Variants in UNC5D observed in about 807,000 individuals in gnomAD.
UNC5D encodes the protein netrin receptor UNC5D.
UNC5D carries 39 observed loss-of-function variants against 105.4 expected under a neutral mutation model. The observed-to-expected ratio is 0.37, with a 90% confidence interval of 0.29 to 0.48. The LOEUF is 0.48. Among genes scored for constraint, UNC5D ranks in the 20% least tolerant of loss-of-function variants. The probability of loss-of-function intolerance (pLI) is 0.98; values close to 1 mark genes in which losing one functional copy is unlikely to be tolerated. For synonymous variants in UNC5D, 452 were observed against 450.4 expected (o/e 1.00, Z -0.04); for missense variants, 991 against 1,202.4 (o/e 0.82, Z 2.60).
intron 2 of UNC5D, among the ~76,000 whole-genome samples, chr8:35,564,197 G>A (rs2130766996): frequency 6.6e-6 from 1 of 152,014 alleles, no homozygotes; most frequent in East Asian, 1.9e-4. Flanking sequence ...CTACCCTATG[G>A]TCCATTCTGG....
Position 35,530,905 on chromosome 8 carries a change from T to A in UNC5D, c.104-18387T>A, listed in dbSNP as rs1030463663. Among the ~76,000 whole-genome samples the A allele has an allele frequency of 1.4e-3, 203 of 140,532 alleles. 6 individuals are homozygous for A. Among genetic ancestry groups the A allele is most frequent in the Admixed American group, 0.014 (196 of 14,110 alleles). 92.2% of individuals were successfully genotyped at this position (140,532 alleles called of 152,430 possible). A position where few individuals can be genotyped will look rare whatever the true frequency, so the allele number is the denominator to read the frequency against. On this transcript the variant is annotated intron_variant, in intron 1 of 16. Transcript: ENST00000404895. The stretch of plus-strand genomic sequence containing the variant: ...ATTGGTGGTGATATCCCCTTTATCA[T>A]TTTTTATTGTGTCTATTTGATTCTT...
At chr8:35,633,735 G>A (rs967984347) in intron 4 of UNC5D, among the ~76,000 whole-genome samples, 18 of 152,068 alleles carry the variant, frequency 1.2e-4, no homozygotes, top group African/African-American at 3.1e-4. Flanking sequence ...AGCTTAGATC[G>A]CAGATACAGC....
At chr8:35,727,571 A>C (rs886225961) in intron 10 of UNC5D, 1 of 152,172 alleles carries the variant, frequency 6.6e-6, no homozygotes, top group African/African-American at 2.4e-5. Flanking sequence ...TAGTTGATGA[A>C]TGTTGTCTTG....
chr8:35,402,031 G>A (rs1804500419), intron 1 of UNC5D, among the ~76,000 whole-genome samples: 1 of 152,132 alleles, frequency 6.6e-6, no homozygotes, highest in Non-Finnish European at 1.5e-5. Context: ...ATCATTCTGT[G>A]CATGATTGTT....
At chr8:35,761,750 C>G (rs144951970) in intron 14 of UNC5D, among the ~76,000 whole-genome samples, 1 of 152,224 alleles carries the variant, frequency 6.6e-6, no homozygotes, top group Non-Finnish European at 1.5e-5. Flanking sequence ...ATTTCCTTGC[C>G]CTTCTCATCA....
chr8:35,457,426 C>T (rs1808568590), intron 1 of UNC5D, among the ~76,000 whole-genome samples: 1 of 152,152 alleles, frequency 6.6e-6, no homozygotes, highest in Admixed American at 6.6e-5. Context: ...TCTACAACTA[C>T]CACAAATTCT....
At chr8:35,499,285 A>G (rs1811820436) in intron 1 of UNC5D, among the ~76,000 whole-genome samples, 2 of 152,238 alleles carry the variant, frequency 1.3e-5, no homozygotes, top group South Asian at 4.1e-4. Context: ...AGGCACCTAC[A>G]TGAAGTCGAT....
chr8:35,495,455 C>CAAAAA (rs1417671723), intron 1 of UNC5D, among the ~76,000 whole-genome samples: 1 of 32,428 alleles, frequency 3.1e-5, no homozygotes, highest in African/African-American at 9.9e-5. Flanking sequence ...ACAACAACAA[C>CAAAAA]AACAAAAAAA....
intron 1 of UNC5D, among the ~76,000 whole-genome samples, chr8:35,512,506 A>C (rs1474202413): frequency 6.7e-5 from 7 of 103,780 alleles, no homozygotes; most frequent in South Asian, 6.2e-4. Flanking sequence ...ATATATATAT[A>C]TATCTGCATA....
At chr8:35,417,432 G>C (rs1281101033) in intron 1 of UNC5D, among the ~76,000 whole-genome samples, 1 of 150,296 alleles carries the variant, frequency 6.7e-6, no homozygotes, top group Non-Finnish European at 1.5e-5. Context: ...TGGGTACTTA[G>C]ATTAAGCTTG....
intron 11 of UNC5D, among the ~76,000 whole-genome samples, chr8:35,744,804 G>A (rs1399709379): frequency 1.3e-5 from 2 of 152,164 alleles, no homozygotes; most frequent in African/African-American, 2.4e-5. Flanking sequence ...TATAATCCCA[G>A]CACTTTGAGA....
chr8:35,619,599 T>G (rs1821231257), intron 4 of UNC5D, among the ~76,000 whole-genome samples: 1 of 152,206 alleles, frequency 6.6e-6, no homozygotes, highest in South Asian at 2.1e-4. Flanking sequence ...TTGTTTGTTA[T>G]TTTAAGGAGC....
intron 4 of UNC5D, among the ~76,000 whole-genome samples, chr8:35,618,577 T>G (rs1821168078): frequency 6.6e-6 from 1 of 152,224 alleles, no homozygotes; most frequent in African/African-American, 2.4e-5. Context: ...TCATTACTGA[T>G]GATCATGGTT....
chr8:35,305,213 T>C (rs1455081922), intron 1 of UNC5D, among the ~76,000 whole-genome samples: 6 of 152,104 alleles, frequency 3.9e-5, no homozygotes, highest in Non-Finnish European at 8.8e-5. Context: ...TGGATAGACG[T>C]AAGTGACAAG....
At chr8:35,620,508 A>G (rs1821302448) in intron 4 of UNC5D, among the ~76,000 whole-genome samples, 2 of 152,138 alleles carry the variant, frequency 1.3e-5, no homozygotes, top group South Asian at 2.1e-4. Flanking sequence ...TTCTCCTCAC[A>G]TCAGACCCTT....
At chr8:35,749,873 A>G (rs1830180136) in intron 12 of UNC5D, among the ~76,000 whole-genome samples, 2 of 152,012 alleles carry the variant, frequency 1.3e-5, no homozygotes, top group Non-Finnish European at 2.9e-5. Context: ...ATCTTATCCA[A>G]TTCATTTATT....
chr8:35,536,576 A>G (rs919546132), intron 1 of UNC5D, among the ~76,000 whole-genome samples: 2 of 152,242 alleles, frequency 1.3e-5, no homozygotes, highest in East Asian at 3.8e-4. Context: ...TTTTGTCAAC[A>G]GATACCCTTT....
chr8:35,576,806 G>C (rs1480137712), intron 3 of UNC5D, among the ~76,000 whole-genome samples: 1 of 152,062 alleles, frequency 6.6e-6, no homozygotes, highest in Non-Finnish European at 1.5e-5. Context: ...GTAGAGATGG[G>C]GTTTCACTAT....
At chr8:35,314,345 A>G (rs1437908297) in intron 1 of UNC5D, among the ~76,000 whole-genome samples, 1 of 152,126 alleles carries the variant, frequency 6.6e-6, no homozygotes. Context: ...CTGTATTCTC[A>G]AGTATAGGGG....
Sources: gnomAD v4.1 joint callset for allele counts (sites outside exome capture counted in the v4.1 genomes callset) on GRCh38, gnomAD v4.1.1 for gene constraint, MANE v1.5 for transcripts, NCBI Gene and HGNC (gene_info 2026-07-23, HGNC 2026-07-21) for gene names.